BRD10: variants seen among roughly 807,000 people sequenced by gnomAD.
BRD10 encodes bromodomain containing 10, also known as uncharacterized bromodomain-containing protein 10.
the BRD10 span, among the ~76,000 whole-genome samples, chr9:5,986,427 T>G: frequency 6.6e-6 from 1 of 152,214 alleles, no homozygotes; most frequent in Non-Finnish European, 1.5e-5. Flanking sequence ...AGTGCTGCAA[T>G]GAACATAGGC....
chr9:6,007,938 G>A, the BRD10 span: 1 of 1,330,312 alleles, frequency 7.5e-7, no homozygotes, highest in African/African-American at 1.5e-5. Context: ...TCGGCTCGGT[G>A]CGCGCGGGGG....
At chr9:5,919,775 T>TGA in the BRD10 span, 2 of 1,613,456 alleles carry the variant, frequency 1.2e-6, no homozygotes, top group Non-Finnish European at 8.5e-7. Flanking sequence ...TACAACAATC[T>TGA]GAGAGAGAGA....
the BRD10 span, among the ~76,000 whole-genome samples, chr9:5,952,045 A>G: frequency 3.4e-5 from 4 of 118,510 alleles, no homozygotes; most frequent in African/African-American, 1.2e-4. Flanking sequence ...ATTTAGAGAC[A>G]GAGTTTCCCT....
the BRD10 span, chr9:5,944,958 A>G: frequency 6.7e-7 from 1 of 1,492,104 alleles, no homozygotes; most frequent in Non-Finnish European, 9.1e-7. Flanking sequence ...TAGTGCAAAT[A>G]AGCTAAAATA....
chr9:5,898,997 C>A, the BRD10 span: 1 of 152,168 alleles, frequency 6.6e-6, no homozygotes, highest in African/African-American at 2.4e-5. Context: ...GTACCAGTAT[C>A]CTCCATGAAT....
the BRD10 span, among the ~76,000 whole-genome samples, chr9:5,895,652 TA>T: frequency 1.3e-5 from 2 of 152,212 alleles, no homozygotes; most frequent in Admixed American, 6.5e-5. Context: ...TGGAACTTGT[TA>T]AAATGCAGAT....
the BRD10 span, among the ~76,000 whole-genome samples, chr9:5,946,451 G>A: frequency 2.0e-5 from 3 of 152,012 alleles, no homozygotes; most frequent in Admixed American, 2.0e-4. Flanking sequence ...CAGTGGACTG[G>A]CCAACCAGGT....
the BRD10 span, among the ~76,000 whole-genome samples, chr9:5,918,233 C>G: frequency 3.3e-5 from 5 of 152,124 alleles, no homozygotes; most frequent in Non-Finnish European, 5.9e-5. Flanking sequence ...ACTTTGATAA[C>G]AAATACACTT....
the BRD10 span, among the ~76,000 whole-genome samples, chr9:5,903,095 A>G: frequency 2.6e-5 from 4 of 151,964 alleles, no homozygotes; most frequent in African/African-American, 9.6e-5. Context: ...TGTGTTATGT[A>G]GAAGTGTGTT....
At chr9:5,963,525 T>G in the BRD10 span, among the ~76,000 whole-genome samples, 965 of 149,392 alleles carry the variant, frequency 6.5e-3, 10 homozygotes, top group African/African-American at 0.023. Context: ...AAGCTACCAA[T>G]GACTTTCTTC....
At chr9:5,936,661 A>G in the BRD10 span, among the ~76,000 whole-genome samples, 4 of 152,314 alleles carry the variant, frequency 2.6e-5, no homozygotes, top group African/African-American at 9.6e-5. Context: ...ATTAATATTC[A>G]GTCCACTGAG....
At chr9:5,973,541 A>G in the BRD10 span, among the ~76,000 whole-genome samples, 12 of 152,214 alleles carry the variant, frequency 7.9e-5, no homozygotes, top group Admixed American at 3.3e-4. Flanking sequence ...AAAAATGATT[A>G]AACTGAAAAG....
the BRD10 span, among the ~76,000 whole-genome samples, chr9:5,925,323 C>G: frequency 2.3e-4 from 34 of 145,348 alleles, no homozygotes; most frequent in African/African-American, 8.8e-4. Context: ...CATGCCACTG[C>G]AGTCCAGCCT....
chr9:5,921,516 G>A, the BRD10 span: 1 of 1,613,884 alleles, frequency 6.2e-7, no homozygotes, highest in Admixed American at 1.7e-5. Flanking sequence ...GTCAGCGCAG[G>A]TGTCATATTA....
chr9:5,899,634 G>A, the BRD10 span, among the ~76,000 whole-genome samples: 2 of 152,142 alleles, frequency 1.3e-5, no homozygotes, highest in Non-Finnish European at 2.9e-5. Context: ...GGTTAGTAGG[G>A]GAGGACTTTA....
the BRD10 span, among the ~76,000 whole-genome samples, chr9:5,894,343 A>G: frequency 6.6e-6 from 1 of 152,164 alleles, no homozygotes; most frequent in Non-Finnish European, 1.5e-5. The surrounding 1 kb of genome is among the most constrained non-coding windows in gnomAD (Gnocchi z 4.0). Context: ...GAAGCTGGTT[A>G]AACAGGCATG....
At chr9:6,007,074 C>T in the BRD10 span, 3 of 1,017,048 alleles carry the variant, frequency 2.9e-6, no homozygotes, top group Non-Finnish European at 4.3e-6. Context: ...CGGGCTTCTC[C>T]AGCACCGACT....
chr9:6,005,968 C>T, the BRD10 span, among the ~76,000 whole-genome samples: 1 of 152,152 alleles, frequency 6.6e-6, no homozygotes, highest in Non-Finnish European at 1.5e-5. Flanking sequence ...TGAAAAAAAT[C>T]ACCGTTAGTC....
the BRD10 span, among the ~76,000 whole-genome samples, chr9:5,925,708 G>C: frequency 6.6e-6 from 1 of 152,094 alleles, no homozygotes; most frequent in Non-Finnish European, 1.5e-5. Context: ...TTATGCCTAG[G>C]AAAACAAAGC....
Sources: gnomAD v4.1 joint callset for allele counts (sites outside exome capture counted in the v4.1 genomes callset) on GRCh38, gnomAD v4.1.1 for gene constraint, Gnocchi (gnomAD v3.1) non-coding constraint, MANE v1.5 for transcripts, NCBI Gene and HGNC (gene_info 2026-07-23, HGNC 2026-07-21) for gene names.